Variants in RASGRF2 observed in about 807,000 individuals in gnomAD.
The protein encoded by RASGRF2 is Ras protein specific guanine nucleotide releasing factor 2.
Under a neutral mutation model 151.0 loss-of-function variants are expected in RASGRF2, and 76 were observed. The observed-to-expected ratio is 0.50, with a 90% CI of 0.42 to 0.61. The LOEUF is 0.61. Ranked by LOEUF, RASGRF2 falls within the 20% of genes least tolerant of loss-of-function variation. The pLI, the probability that RASGRF2 is intolerant of heterozygous loss-of-function variation, is 0.00. For synonymous variants in RASGRF2, 504 were observed against 566.5 expected, an observed-to-expected ratio of 0.89 and a Z score of 1.57; for missense variants, 1,148 against 1,564.6, an observed-to-expected ratio of 0.73 and a Z score of 4.49.
intron 18 of RASGRF2, among the ~76,000 whole-genome samples, chr5:81,187,909 G>C (rs1755067079): frequency 6.6e-6 from 1 of 152,214 alleles, no homozygotes; most frequent in Non-Finnish European, 1.5e-5. Context: ...TGTTGAATTA[G>C]AGCACTGAGT....
intron 1 of RASGRF2, among the ~76,000 whole-genome samples, chr5:80,981,223 G>A (rs1481693286): frequency 2.6e-5 from 4 of 152,072 alleles, no homozygotes; most frequent in East Asian, 3.8e-4. Context: ...TGATACCACA[G>A]CACGGGTTCC....
intron 17 of RASGRF2, among the ~76,000 whole-genome samples, chr5:81,137,646 T>G (rs1345079301): frequency 6.6e-6 from 1 of 152,084 alleles, no homozygotes; most frequent in Non-Finnish European, 1.5e-5. Flanking sequence ...TATTAGGACA[T>G]ACACATAGAC....
chr5:81,022,805 A>G (rs898132380), intron 1 of RASGRF2, among the ~76,000 whole-genome samples: 3 of 151,690 alleles, frequency 2.0e-5, no homozygotes, highest in East Asian at 1.9e-4. Flanking sequence ...GAGACCTGCT[A>G]TCAGACAGAG....
At chr5:81,176,953 T>C (rs1484598341) in intron 17 of RASGRF2, among the ~76,000 whole-genome samples, 1 of 152,184 alleles carries the variant, frequency 6.6e-6, no homozygotes, top group Admixed American at 6.5e-5. Flanking sequence ...CGTTCTTTTA[T>C]GGAGGGGTGG....
At chr5:81,061,838 CA>C (rs1751443537) in intron 2 of RASGRF2, among the ~76,000 whole-genome samples, 2 of 151,786 alleles carry the variant, frequency 1.3e-5, no homozygotes, top group African/African-American at 4.8e-5. Context: ...AGGTGCATGC[CA>C]CCACACCCAG....
At position 80,960,931 on chromosome 5, in the gene RASGRF2, A is replaced by C; in HGVS notation, c.193A>C (p.Met65Leu). Reference sequence around the variant, plus strand: ...CGAGCAGAGCTGCCGCCCGGCGGGCATGTACCTCCTGGAGGGCTGCAGCTG... The same window carrying C: ...CGAGCAGAGCTGCCGCCCGGCGGGCCTGTACCTCCTGGAGGGCTGCAGCTG... Reference protein sequence around the residue: ...EGEQSCRPAGMYLLEGCSCER... With the variant: ...EGEQSCRPAGLYLLEGCSCER... The change falls in exon 1 of 27, where the codon ATG becomes CTG. Residue 65 changes from methionine to leucine, a missense_variant. By Grantham distance (15) the Met-to-Leu change is conservative. Coordinates refer to ENST00000265080, the MANE Select transcript of RASGRF2 (RefSeq NM_006909.3). The surrounding 1 kb of genome is among the most constrained non-coding windows in gnomAD (Gnocchi z 5.5). 6.3e-7 allele frequency: 1 copy of C among 1,595,352 alleles called. No homozygotes were observed. The highest frequency in any genetic ancestry group is 8.6e-7 in the Non-Finnish European group (1 of 1,167,250).
chr5:81,144,883 A>G lies in RASGRF2; in HGVS notation c.2686+17720A>G, dbSNP rs751185511. Among the ~76,000 whole-genome samples the G allele has an allele frequency of 9.5e-4, 145 of 151,970 alleles. 2 individuals carry two copies. The highest frequency in any genetic ancestry group is 7.8e-4 in the East Asian group (4 of 5,148). On this transcript the variant is annotated intron_variant, in intron 17 of 26. Transcript: ENST00000265080. ...ATCTGGCTCTTCTAACCACCACCCTACTCTGCTTGAATTTCATCAGTACTT... is the reference window on the plus strand; with the variant it reads ...ATCTGGCTCTTCTAACCACCACCCTGCTCTGCTTGAATTTCATCAGTACTT...
At chr5:81,055,511 G>A (rs958211863) in intron 2 of RASGRF2, among the ~76,000 whole-genome samples, 1 of 152,134 alleles carries the variant, frequency 6.6e-6, no homozygotes, top group African/African-American at 2.4e-5. Context: ...TTTTTGATGT[G>A]CTGCTGGATT....
intron 18 of RASGRF2, 135 bp from the exon 19 acceptor site, chr5:81,201,195 C>A: frequency 7.5e-7 from 1 of 1,340,358 alleles, no homozygotes; most frequent in Non-Finnish European, 9.8e-7. Flanking sequence ...CTAGGTGTGG[C>A]AGGGAACTCT....
At chr5:81,223,245 G>A (rs1755891811) in intron 26 of RASGRF2, 1 of 152,152 alleles carries the variant, frequency 6.6e-6, no homozygotes, top group Non-Finnish European at 1.5e-5. Flanking sequence ...CTCTTAGGGA[G>A]GCATAGATAG....
At chr5:81,225,522 T>C (rs932730328) in intron 26 of RASGRF2, among the ~76,000 whole-genome samples, 156 bp from the exon 27 acceptor site, 1 of 152,076 alleles carries the variant, frequency 6.6e-6, no homozygotes, top group African/African-American at 2.4e-5. Context: ...CCTTTTTTTT[T>C]TTTTTTTTAA....
At chr5:81,044,056 G>A (rs1324944556) in intron 2 of RASGRF2, among the ~76,000 whole-genome samples, 1 of 152,220 alleles carries the variant, frequency 6.6e-6, no homozygotes, top group East Asian at 1.9e-4. Context: ...GCACATTCAT[G>A]TCTGAGTGAA....
intron 1 of RASGRF2, among the ~76,000 whole-genome samples, chr5:81,011,566 A>G (rs1749460073): frequency 6.6e-6 from 1 of 151,716 alleles, no homozygotes; most frequent in Admixed American, 6.6e-5. Context: ...ACATGGAGAA[A>G]CCCCGTCTCT....
chr5:81,107,338 G>A (rs1397540653), intron 12 of RASGRF2, among the ~76,000 whole-genome samples: 1 of 152,056 alleles, frequency 6.6e-6, no homozygotes, highest in African/African-American at 2.4e-5. Flanking sequence ...TTCCAGCCTA[G>A]GCAACAGAAT....
chr5:81,010,531 G>A (rs1749425535), intron 1 of RASGRF2, among the ~76,000 whole-genome samples: 1 of 152,166 alleles, frequency 6.6e-6, no homozygotes, highest in African/African-American at 2.4e-5. Flanking sequence ...GATTTTTGGA[G>A]AAGCAGCAAA....
chr5:81,108,967 G>T (rs1752922382), intron 12 of RASGRF2, 29 bp from the exon 13 acceptor site: 2 of 1,586,438 alleles, frequency 1.3e-6, no homozygotes, highest in South Asian at 1.1e-5. Flanking sequence ...TTTCATGTGG[G>T]TTGTAATTGT....
chr5:81,093,687 T>C (rs914008934), intron 10 of RASGRF2, among the ~76,000 whole-genome samples: 1 of 152,188 alleles, frequency 6.6e-6, no homozygotes, highest in African/African-American at 2.4e-5. Flanking sequence ...AGTGCTAGTG[T>C]GAGCCACTGT....
chr5:81,094,246 A>G (rs1159781620), intron 10 of RASGRF2, 50 bp from the exon 11 acceptor site: 5 of 1,450,486 alleles, frequency 3.4e-6, no homozygotes, highest in East Asian at 4.6e-5. Flanking sequence ...AGAGCTTCCC[A>G]ATCTACACAA....
intron 1 of RASGRF2, among the ~76,000 whole-genome samples, chr5:81,008,871 T>C (rs1225514863): frequency 6.6e-6 from 1 of 152,226 alleles, no homozygotes; most frequent in African/African-American, 2.4e-5. Flanking sequence ...ATACTTCTTA[T>C]CTATACAGGC....
Sources: gnomAD v4.1 joint callset for allele counts (sites outside exome capture counted in the v4.1 genomes callset) on GRCh38, gnomAD v4.1.1 for gene constraint, Gnocchi (gnomAD v3.1) non-coding constraint, MANE v1.5 for transcripts, NCBI Gene and HGNC (gene_info 2026-07-23, HGNC 2026-07-21) for gene names.